The following CLDN10 variants were observed in gnomAD, a reference collection of about 807,000 sequenced individuals.
CLDN10 encodes claudin 10.
A neutral mutation model predicts 22.9 loss-of-function variants in CLDN10; 15 were observed. That is an observed-to-expected ratio of 0.65 (90% CI 0.44 to 1.01). CLDN10 has a LOEUF of 1.01. CLDN10 is among the 50% of genes least tolerant of loss of function. The probability of loss-of-function intolerance (pLI) is 0.00; values close to 1 mark genes in which losing one functional copy is unlikely to be tolerated. For missense variants in CLDN10, 247 were observed against 287.8 expected (o/e 0.86, Z 1.03); for synonymous variants, 114 against 111.4 (o/e 1.02, Z -0.15).
chr13:95,435,294 C>T (rs895795157), intron 1 of CLDN10, among the ~76,000 whole-genome samples: 2 of 152,116 alleles, frequency 1.3e-5, no homozygotes, highest in Non-Finnish European at 2.9e-5. Flanking sequence ...ATAGACTTTT[C>T]ACAGTCAAAT....
At chr13:95,576,674 G>A (rs1024604514) in intron 3 of CLDN10, among the ~76,000 whole-genome samples, 2 of 152,124 alleles carry the variant, frequency 1.3e-5, no homozygotes, top group Admixed American at 6.5e-5. Context: ...TGCGGTCATC[G>A]GCAGAGCACT....
intron 3 of CLDN10, among the ~76,000 whole-genome samples, chr13:95,569,739 G>T (rs1205149656): frequency 2.6e-5 from 4 of 152,094 alleles, no homozygotes. Context: ...AATGTGCTCA[G>T]GTAGGTTACT....
Position 95,515,136 on chromosome 13 carries a change from G to C in CLDN10, c.215-44996G>C, listed in dbSNP as rs181272711. Among the ~76,000 whole-genome samples, 211 of 152,264 alleles carry C rather than the reference G, an allele frequency of 1.4e-3. 1 individual carries two copies. The highest frequency in any genetic ancestry group is 4.9e-3 in the African/African-American group (203 of 41,556). On this transcript the variant is annotated intron_variant, in intron 1 of 4. Coordinates refer to the CLDN10 transcript ENST00000376873. Reference sequence around the variant, plus strand: ...TCCTCCTATCTTAGCCTCCTGAGGAGCTGGGACTAGAGGCACTCAACCCAC... The same window carrying C: ...TCCTCCTATCTTAGCCTCCTGAGGACCTGGGACTAGAGGCACTCAACCCAC...
chr13:95,467,529 TG>T (rs1555289388), intron 1 of CLDN10, among the ~76,000 whole-genome samples: 20 of 150,904 alleles, frequency 1.3e-4, no homozygotes, highest in African/African-American at 4.4e-4. Flanking sequence ...TTGTTTTTTT[TG>T]GGGGGGGCAA....
At chr13:95,541,364 A>T (rs915764704) in intron 1 of CLDN10, among the ~76,000 whole-genome samples, 4 of 152,196 alleles carry the variant, frequency 2.6e-5, no homozygotes, top group Non-Finnish European at 5.9e-5. Context: ...GCAAAACTTA[A>T]GCCAACTTTG....
intron 1 of CLDN10, among the ~76,000 whole-genome samples, chr13:95,544,840 G>C (rs890507194): frequency 6.6e-6 from 1 of 151,564 alleles, no homozygotes; most frequent in Non-Finnish European, 1.5e-5. Flanking sequence ...GCAGTGGTGC[G>C]ATCTCAGCTC....
intron 1 of CLDN10, among the ~76,000 whole-genome samples, chr13:95,530,648 A>T (rs545447482): frequency 1.3e-5 from 2 of 152,332 alleles, no homozygotes; most frequent in East Asian, 3.9e-4. Flanking sequence ...TACCTGCTAC[A>T]TAGACACTCA....
chr13:95,491,082 C>T (rs990232961), intron 1 of CLDN10, among the ~76,000 whole-genome samples: 1 of 152,180 alleles, frequency 6.6e-6, no homozygotes, highest in Admixed American at 6.5e-5. Flanking sequence ...TACCCCTGCT[C>T]GCTTTTGGTG....
At chr13:95,447,431 C>T (rs2042391407) in intron 1 of CLDN10, among the ~76,000 whole-genome samples, 1 of 152,228 alleles carries the variant, frequency 6.6e-6, no homozygotes, top group Non-Finnish European at 1.5e-5. Flanking sequence ...CCTGTTTAAA[C>T]CTGGACCGCA....
intron 1 of CLDN10, among the ~76,000 whole-genome samples, chr13:95,466,280 G>T (rs572768798): frequency 9.2e-4 from 139 of 151,358 alleles, no homozygotes; most frequent in African/African-American, 3.2e-3. Flanking sequence ...TCTTTTTTTT[G>T]ATGTTGTTGT....
chr13:95,540,129 G>A (rs936336638), intron 1 of CLDN10, among the ~76,000 whole-genome samples: 26 of 151,542 alleles, frequency 1.7e-4, no homozygotes, highest in Admixed American at 1.3e-3. Flanking sequence ...ATGAAATCCC[G>A]TCTCTACTAA....
rs5805939 is a variant in CLDN10 at position 95,533,214 on chromosome 13, CA to C, written c.215-26904del. On this transcript the variant is annotated intron_variant, in intron 1 of 4. Coordinates refer to the CLDN10 transcript ENST00000376873. ...GCCTGCAATTTATTTTTAAATATTC[CA>C]AAAAAAAAAAAAAGATTGATAGAGG... Among the ~76,000 whole-genome samples, 216 of 124,596 alleles carry C rather than the reference CA, an allele frequency of 1.7e-3. 2 individuals are homozygous for C. The highest frequency in any genetic ancestry group is 4.1e-3 in the African/African-American group (124 of 29,952). The allele number at this position is 124,596 out of a possible 152,430, so 81.7% of individuals were successfully genotyped here. A position where few individuals can be genotyped will look rare whatever the true frequency, so the allele number is the denominator to read the frequency against.
intron 1 of CLDN10, among the ~76,000 whole-genome samples, chr13:95,497,524 G>A (rs1440232427): frequency 6.6e-6 from 1 of 152,286 alleles, no homozygotes; most frequent in East Asian, 1.9e-4. Context: ...GAGGGAGGCA[G>A]GCCTGCCCAT....
intron 1 of CLDN10, among the ~76,000 whole-genome samples, chr13:95,522,147 A>T (rs1334955894): frequency 6.6e-6 from 1 of 151,978 alleles, no homozygotes; most frequent in East Asian, 1.9e-4. Flanking sequence ...TTCCTGTTTC[A>T]TGAAGGCTTG....
At chr13:95,519,539 G>A (rs780264321) in intron 1 of CLDN10, among the ~76,000 whole-genome samples, 1 of 152,186 alleles carries the variant, frequency 6.6e-6, no homozygotes, top group Non-Finnish European at 1.5e-5. Context: ...AGGAATGGGA[G>A]GTATTATTTC....
chr13:95,515,448 C>T (rs745636752), intron 1 of CLDN10, among the ~76,000 whole-genome samples: 1 of 152,012 alleles, frequency 6.6e-6, no homozygotes, highest in African/African-American at 2.4e-5. Context: ...GATCTGCCTG[C>T]GTTGGCCTTA....
chr13:95,574,160 G>A (rs1451728293), intron 3 of CLDN10, among the ~76,000 whole-genome samples: 1 of 152,072 alleles, frequency 6.6e-6, no homozygotes, highest in Non-Finnish European at 1.5e-5. Flanking sequence ...TTGCTATTGT[G>A]AATAGTGCCG....
chr13:95,462,473 T>C (rs2042544174), intron 1 of CLDN10, among the ~76,000 whole-genome samples: 1 of 152,184 alleles, frequency 6.6e-6, no homozygotes, highest in Non-Finnish European at 1.5e-5. Context: ...GGACAAAGAC[T>C]TGGGTATCAA....
chr13:95,444,794 T>C (rs773229799), intron 1 of CLDN10, among the ~76,000 whole-genome samples: 19 of 152,194 alleles, frequency 1.2e-4, no homozygotes, highest in Non-Finnish European at 2.5e-4. Flanking sequence ...TGTTTTGTTT[T>C]GTTGTTGGTG....
Sources: allele counts gnomAD v4.1 joint callset (sites outside exome capture counted in the v4.1 genomes callset), GRCh38; gene constraint gnomAD v4.1.1; transcripts MANE v1.5; gene names NCBI Gene and HGNC (gene_info 2026-07-23, HGNC 2026-07-21).